Variants in FOXO3 observed in about 807,000 individuals in gnomAD.
FOXO3 encodes the protein forkhead box O3, also known as forkhead box protein O3.
FOXO3 carries 4 observed loss-of-function variants against 41.9 expected under a neutral mutation model. The ratio of observed to expected loss-of-function variants is 0.10; its 90% CI spans 0.05 to 0.22. FOXO3 has a LOEUF of 0.22. Ranked by LOEUF, FOXO3 falls within the 10% of genes least tolerant of loss-of-function variation. The pLI, the probability that FOXO3 is intolerant of heterozygous loss-of-function variation, is 1.00. For synonymous variants in FOXO3, 318 were observed against 389.3 expected, an observed-to-expected ratio of 0.82 and a Z score of 2.16; for missense variants, 534 against 906.8, an observed-to-expected ratio of 0.59 and a Z score of 5.28.
chr6:108,641,807 A>G (rs1395976261), intron 1 of FOXO3, among the ~76,000 whole-genome samples: 1 of 152,152 alleles, frequency 6.6e-6, no homozygotes, highest in African/African-American at 2.4e-5. Context: ...ACAGAAAAAA[A>G]GTACATTGTA....
chr6:108,611,372 A>G (rs1366614236), intron 1 of FOXO3, among the ~76,000 whole-genome samples: 2 of 152,204 alleles, frequency 1.3e-5, no homozygotes. Context: ...TGTATTTGTG[A>G]TAAATGCCTA....
chr6:108,670,010 A>G (rs1443499101), intron 2 of FOXO3, among the ~76,000 whole-genome samples: 1 of 152,148 alleles, frequency 6.6e-6, no homozygotes, highest in Non-Finnish European at 1.5e-5. Context: ...TGTAAACAAC[A>G]TTTTCTATCA....
intron 1 of FOXO3, among the ~76,000 whole-genome samples, chr6:108,616,131 G>T (rs1582781308): frequency 6.9e-6 from 1 of 145,670 alleles, no homozygotes; most frequent in South Asian, 2.2e-4. Flanking sequence ...GGGACTACAG[G>T]TATGTGCCAT....
At chr6:108,592,662 G>T (rs1017344276) in intron 1 of FOXO3, among the ~76,000 whole-genome samples, 1 of 152,108 alleles carries the variant, frequency 6.6e-6, no homozygotes. Flanking sequence ...GAAGAGGCTG[G>T]GTGTTCCTCA....
intron 1 of FOXO3, among the ~76,000 whole-genome samples, chr6:108,654,595 C>T (rs1363823332): frequency 6.6e-6 from 1 of 152,008 alleles, no homozygotes; most frequent in Non-Finnish European, 1.5e-5. Context: ...TTGCTTGCTG[C>T]TTGAAAACTT....
At chr6:108,648,430 T>TG (rs572067892) in intron 1 of FOXO3, among the ~76,000 whole-genome samples, 47 of 152,318 alleles carry the variant, frequency 3.1e-4, no homozygotes, top group Non-Finnish European at 5.9e-4. Flanking sequence ...AATGACTCTC[T>TG]GGGGGTCTTC....
intron 1 of FOXO3, among the ~76,000 whole-genome samples, chr6:108,582,014 T>C (rs565458529): frequency 1.3e-5 from 2 of 152,316 alleles, no homozygotes; most frequent in East Asian, 1.9e-4. Flanking sequence ...TTTAAAAATA[T>C]AGGCTGCATA....
chr6:108,572,687 A>G (rs1346785279), intron 1 of FOXO3, among the ~76,000 whole-genome samples: 1 of 152,056 alleles, frequency 6.6e-6, no homozygotes, highest in Non-Finnish European at 1.5e-5. Context: ...TTTGCAATAA[A>G]AAGAGTCTAC....
At chr6:108,610,200 G>A (rs1308583672) in intron 1 of FOXO3, among the ~76,000 whole-genome samples, 1 of 152,028 alleles carries the variant, frequency 6.6e-6, no homozygotes, top group African/African-American at 2.4e-5. Context: ...TCACTGGAGA[G>A]CCCTTGATTT....
intron 1 of FOXO3, among the ~76,000 whole-genome samples, chr6:108,620,196 G>A (rs2128372506): frequency 6.6e-6 from 1 of 152,246 alleles, no homozygotes; most frequent in South Asian, 2.1e-4. Flanking sequence ...GACTATGCTT[G>A]TACTCAGGAG....
chr6:108,560,703 C>T (rs571408576), upstream of FOXO3, among the ~76,000 whole-genome samples: 8 of 152,218 alleles, frequency 5.3e-5, no homozygotes, highest in South Asian at 1.7e-3. Flanking sequence ...GCACGCACAC[C>T]CGAGCTCGGG....
chr6:108,587,560 A>C (rs1037306017), intron 1 of FOXO3, among the ~76,000 whole-genome samples: 3 of 152,132 alleles, frequency 2.0e-5, no homozygotes, highest in African/African-American at 7.2e-5. Context: ...CGCCCCACAC[A>C]CTTGTTCTAC....
At chr6:108,648,276 T>C (rs1361561403) in intron 1 of FOXO3, among the ~76,000 whole-genome samples, 2 of 152,048 alleles carry the variant, frequency 1.3e-5, no homozygotes, top group African/African-American at 4.8e-5. Flanking sequence ...GGACATAAGG[T>C]GTCTGTTCTT....
intron 1 of FOXO3, among the ~76,000 whole-genome samples, chr6:108,592,197 TGTG>T (rs1005353892): frequency 9.8e-5 from 15 of 152,292 alleles, no homozygotes; most frequent in African/African-American, 2.9e-4. Flanking sequence ...ATATCTTAAT[TGTG>T]GTGGTGCTTA....
At chr6:108,636,810 T>C (rs535831010) in intron 1 of FOXO3, among the ~76,000 whole-genome samples, 1 of 152,322 alleles carries the variant, frequency 6.6e-6, no homozygotes, top group South Asian at 2.1e-4. Flanking sequence ...AAGGACTTCA[T>C]GTTCTGTGTC....
intron 1 of FOXO3, among the ~76,000 whole-genome samples, chr6:108,574,404 A>G (rs1346577912): frequency 1.3e-5 from 2 of 152,156 alleles, no homozygotes; most frequent in African/African-American, 2.4e-5. Flanking sequence ...GTGTTGGGAC[A>G]GTAGGATATC....
chr6:108,655,722 G>A (rs375115862), intron 1 of FOXO3, among the ~76,000 whole-genome samples: 22 of 152,280 alleles, frequency 1.4e-4, no homozygotes, highest in African/African-American at 5.1e-4. Context: ...CACCGAAGGC[G>A]CCCACCCGGG....
upstream of FOXO3, among the ~76,000 whole-genome samples, chr6:108,560,707 G>C (rs1052920341): frequency 3.9e-5 from 6 of 152,062 alleles, no homozygotes; most frequent in African/African-American, 9.7e-5. Context: ...GCACACCCGA[G>C]CTCGGGCTCT....
In FOXO3 at chr6:108,663,621, G is replaced by T. The variant is rs1237142318; in HGVS notation, c.788G>T (p.Ser263Ile). 6.2e-7 allele frequency: 1 copy of T among 1,613,498 alleles called. No homozygotes were observed. The highest frequency in any genetic ancestry group is 1.3e-5 in the African/African-American group (1 of 74,928). ...SMDNSNKYTK[S>I]RGRAAKKKAA... ...GACAATAGCAACAAGTATACCAAGA[G>T]CCGTGGCCGCGCAGCCAAGAAGAAG... Residue 263 changes from serine (S) to isoleucine (I), a missense_variant, in exon 2 of 3, where the codon AGC becomes ATC. Physicochemically the swap from Ser to Ile is moderately radical, Grantham distance 142. Transcript: ENST00000406360.
Sources: gnomAD v4.1 joint callset for allele counts (sites outside exome capture counted in the v4.1 genomes callset) on GRCh38, gnomAD v4.1.1 for gene constraint, MANE v1.5 for transcripts, NCBI Gene and HGNC (gene_info 2026-07-23, HGNC 2026-07-21) for gene names.